ABR: variants seen among roughly 807,000 people sequenced by gnomAD.
ABR encodes ABR activator of RhoGEF and GTPase, also known as active breakpoint cluster region-related protein.
Under a neutral mutation model 107.2 loss-of-function variants are expected in ABR, and 35 were observed. That is an observed-to-expected ratio of 0.33 (90% confidence interval 0.25 to 0.43). The LOEUF (loss-of-function observed/expected upper bound fraction) is 0.43. ABR is among the 20% of genes least tolerant of loss of function. The pLI, the probability that ABR is intolerant of heterozygous loss-of-function variation, is 1.00. For missense variants in ABR, 815 were observed against 1,115.2 expected (o/e 0.73, Z 3.83); for synonymous variants, 498 against 462.0 (o/e 1.08, Z -1.00).
At chr17:1,098,219 C>T (rs972450403) in intron 3 of ABR, among the ~76,000 whole-genome samples, 8 of 152,102 alleles carry the variant, frequency 5.3e-5, no homozygotes, top group Non-Finnish European at 1.2e-4. Flanking sequence ...ACTACAGGTG[C>T]TCGCCACCAC....
chr17:1,109,126 A>AGGAGGGAGGAGGGAGGAGGCG lies in ABR; in HGVS notation c.247-8412_247-8392dup. On this transcript the variant is annotated intron_variant, in intron 2 of 22. Coordinates refer to ENST00000302538, the MANE Select transcript of ABR (RefSeq NM_021962.5). ...GCGGGGTCCACGCAGCGGCGGCGGG[A>AGGAGGGAGGAGGGAGGAGGCG]GGAGGGAGGAGGGAGGAGGCGGGCG... 1.8e-6 allele frequency: 2 copies of AGGAGGGAGGAGGGAGGAGGCG among 1,124,588 alleles called. 1 individual carries two copies. The highest frequency in any genetic ancestry group is 2.4e-6 in the Non-Finnish European group (2 of 842,702). The allele number at this position is 1,124,588 out of a possible 1,614,324, so 69.7% of individuals were successfully genotyped here.
Position 1,067,097 on chromosome 17 carries a change from T to C in ABR, c.1162A>G (p.Lys388Glu). 6.2e-7 allele frequency: 1 copy of C among 1,613,598 alleles called. No homozygotes were observed. ...EDMKMKISAL[K>E]SEIQKEKANK... ...CTCACCTCCTTCTGGATTTCACTCT[T>C]GAGGGCAGAGATCTTCATCTTCATG... The change falls in exon 10 of 23, where the codon AAG becomes GAG. Residue 388 changes from lysine to glutamate, a missense_variant. Physicochemically the swap from Lys to Glu is moderately conservative, Grantham distance 56 (BLOSUM62 1). Around this residue, in one of 5 missense-constraint regions of ABR, gnomAD observed 385 missense variants for 596.9 expected, o/e 0.64. Transcript: ENST00000302538.
At chr17:1,208,556 C>T (rs867940877) in intron 1 of ABR, among the ~76,000 whole-genome samples, 1 of 152,210 alleles carries the variant, frequency 6.6e-6, no homozygotes, top group Non-Finnish European at 1.5e-5. Context: ...GAAGTGCTGA[C>T]CACTGCTCCC....
chr17:1,018,501 C>T (rs944008263), intron 16 of ABR, among the ~76,000 whole-genome samples: 1 of 152,222 alleles, frequency 6.6e-6, no homozygotes, highest in Non-Finnish European at 1.5e-5. Flanking sequence ...CACAGCCCCT[C>T]CTCCGCCCCA....
At chr17:1,109,233 TCCGCCGCCG>T (rs972518297) in intron 2 of ABR, 14 of 924,168 alleles carry the variant, frequency 1.5e-5, no homozygotes, top group African/African-American at 7.0e-5. Context: ...TCCAGCCCGC[TCCGCCGCCG>T]CCGCCGCCGC....
At chr17:1,112,293 G>A (rs995123122) in intron 2 of ABR, among the ~76,000 whole-genome samples, 8 of 152,234 alleles carry the variant, frequency 5.3e-5, no homozygotes, top group Non-Finnish European at 1.0e-4. Flanking sequence ...CAGTGTTCTC[G>A]TTTACCAGCC....
At chr17:1,049,223 C>A (rs1436732497) in intron 16 of ABR, among the ~76,000 whole-genome samples, 1 of 151,956 alleles carries the variant, frequency 6.6e-6, no homozygotes, top group East Asian at 1.9e-4. Context: ...ACTCCATCAC[C>A]CAGGCGCGAT....
chr17:1,128,785 G>A (rs1466722313), intron 1 of ABR, among the ~76,000 whole-genome samples: 2 of 145,412 alleles, frequency 1.4e-5, no homozygotes, highest in Admixed American at 7.0e-5. Context: ...GGTCTACCTC[G>A]GGACGTTTTC....
At chr17:1,044,160 A>G (rs889096134) in intron 16 of ABR, among the ~76,000 whole-genome samples, 4 of 151,426 alleles carry the variant, frequency 2.6e-5, no homozygotes, top group African/African-American at 2.4e-5. Context: ...ACCAGGAGCC[A>G]GGGCAGACTA....
At chr17:1,086,861 C>T (rs2036623897) in intron 4 of ABR, among the ~76,000 whole-genome samples, 1 of 152,070 alleles carries the variant, frequency 6.6e-6, no homozygotes, top group Non-Finnish European at 1.5e-5. Flanking sequence ...ATAGCCCTCG[C>T]TACTTGGGAG....
intron 1 of ABR, among the ~76,000 whole-genome samples, chr17:1,146,773 C>A (rs2040558225): frequency 7.4e-6 from 1 of 135,058 alleles, no homozygotes; most frequent in Non-Finnish European, 1.6e-5. Flanking sequence ...ACACCACTGC[C>A]ACCAGGCCAC....
rs752886863 is a variant in ABR, at chr17:1,013,159, G to A, written c.1797C>T (p.Asp599=). 5.6e-6 allele frequency: 9 copies of A among 1,614,012 alleles called. No homozygotes were observed. Among genetic ancestry groups the A allele is most frequent in the Non-Finnish European group, 7.6e-6 (9 of 1,179,982 alleles). ...AGTTCTTGGTCTCCACGGTTTGTGG[G>A]TCCAGCTGCAGAGAGAGAATGTGGG... The part of the protein sequence containing the change: ...KIMGKGQIQL[D]PQTVETKNWH... The change falls in exon 17 of 23, where the codon GAC becomes GAT. Residue 599 remains aspartate (D), a synonymous_variant. Coordinates refer to ENST00000302538, the MANE Select transcript of ABR (RefSeq NM_021962.5).
At chr17:1,102,258 C>T (rs1464960415) in intron 2 of ABR, among the ~76,000 whole-genome samples, 1 of 152,168 alleles carries the variant, frequency 6.6e-6, no homozygotes, top group Admixed American at 6.5e-5. Context: ...GCCTAAAATG[C>T]CATCTTTCCC....
At chr17:1,083,671 G>T in intron 4 of ABR, 44 bp from the exon 5 acceptor site, 1 of 1,434,876 alleles carries the variant, frequency 7.0e-7, no homozygotes, top group Non-Finnish European at 9.8e-7. Context: ...AGGGTGGGAG[G>T]GGAGAGGATT....
rs992422619 is a variant in ABR, at chr17:1,138,487, T to G, written c.62-13120A>C. 4.6e-5 allele frequency among the ~76,000 whole-genome samples: 7 copies of G among 151,864 alleles called. No individual in the cohort carries two copies. In the East Asian group the frequency reaches 7.7e-4, roughly 17 times the overall value. On this transcript the variant is annotated intron_variant, in intron 1 of 22. Coordinates refer to ENST00000302538, the MANE Select transcript of ABR (RefSeq NM_021962.5). ...TTTGTTTTTTGATTTTTGTTTTTTG[T>G]TTTTTTTAGAGACAGAGTCTCGCTC...
chr17:1,057,909 T>C (rs9912632), intron 12 of ABR, 61 bp downstream of exon 12: 2 of 1,486,456 alleles, frequency 1.3e-6, no homozygotes. Flanking sequence ...CGCTTAGAAA[T>C]ACAAAAGGCC....
rs2032337446 is a variant in ABR, at chr17:1,050,438, A to G, written c.1659+99T>C. The G allele has an allele frequency of 2.5e-6, 3 of 1,179,406 alleles. No individual in the cohort carries two copies. The highest frequency in any genetic ancestry group is 4.7e-5 in the East Asian group (2 of 42,642). The allele number at this position is 1,179,406 out of a possible 1,614,324, so 73.1% of individuals were successfully genotyped here. ...GCAGGGAGCAGAAAGGGGGGTGCAG[A>G]CATAGCTGGTCCAACCAATGGGCTG... On this transcript the variant is annotated intron_variant, in intron 15 of 22. Coordinates refer to ENST00000302538, the MANE Select transcript of ABR (RefSeq NM_021962.5). This position sits in a 1 kb window ranked among gnomAD's most constrained non-coding sequence, Gnocchi z 4.6.
chr17:1,056,958 G>A (rs1241057247), intron 13 of ABR, 40 bp downstream of exon 13: 3 of 1,451,980 alleles, frequency 2.1e-6, no homozygotes, highest in Non-Finnish European at 2.9e-6. Context: ...TCTGAGGGCT[G>A]GGACCTGCCG....
At chr17:1,017,464 CTTTTTT>C (rs61229673) in intron 16 of ABR, among the ~76,000 whole-genome samples, 7 of 104,554 alleles carry the variant, frequency 6.7e-5, no homozygotes, top group Admixed American at 3.1e-4. Flanking sequence ...GCCATGCCCT[CTTTTTT>C]TTTTTTTTTT....
Sources: gnomAD v4.1 joint callset for allele counts (sites outside exome capture counted in the v4.1 genomes callset) on GRCh38, gnomAD v4.1.1 for gene constraint, gnomAD v4.1.1 regional missense constraint, Gnocchi (gnomAD v3.1) non-coding constraint, MANE v1.5 for transcripts, NCBI Gene and HGNC (gene_info 2026-07-23, HGNC 2026-07-21) for gene names.